Variants in RFXAP observed in about 807,000 individuals in gnomAD.
RFXAP encodes regulatory factor X associated protein.
In RFXAP, 21 loss-of-function variants were observed where a neutral mutation model predicts 25.7. That is an observed-to-expected ratio of 0.82 (90% CI 0.58 to 1.18). The LOEUF (loss-of-function observed/expected upper bound fraction) is 1.18, where lower values mean the gene tolerates loss of function less well. Ranked by LOEUF, RFXAP falls within the 50% of genes most tolerant of loss-of-function variation. RFXAP has a pLI of 0.00. For synonymous variants in RFXAP, 161 were observed against 152.2 expected (o/e 1.06, Z -0.43); for missense variants, 333 against 363.0 (o/e 0.92, Z 0.67).
rs1339913703 is a variant in RFXAP at position 36,828,088 on chromosome 13, C to T, written c.*335C>T. 3.8e-6 allele frequency: 1 copy of T among 264,688 alleles called. No homozygotes were observed. The highest frequency in any genetic ancestry group is 2.3e-5 in the African/African-American group (1 of 43,714). 16.4% of individuals were successfully genotyped at this position (264,688 alleles called of 1,614,324 possible). A position where few individuals can be genotyped will look rare whatever the true frequency, so the allele number is the denominator to read the frequency against. On this transcript the variant is annotated 3_prime_UTR_variant, in exon 3 of 3. Transcript: ENST00000255476. Reference sequence around the variant, plus strand: ...TAAAGTTAATAGATATTAATCTTGACTCATCTAGCTCAGTGGTTCTCATCA... The same window carrying T: ...TAAAGTTAATAGATATTAATCTTGATTCATCTAGCTCAGTGGTTCTCATCA...
chr13:36,824,226 G>T (rs2057971434), intron 1 of RFXAP, among the ~76,000 whole-genome samples: 1 of 152,142 alleles, frequency 6.6e-6, no homozygotes, highest in Non-Finnish European at 1.5e-5. Context: ...GTCAATTTCA[G>T]CATTCCATTA....
intron 1 of RFXAP, among the ~76,000 whole-genome samples, chr13:36,824,843 C>G (rs2057973002): frequency 6.6e-6 from 1 of 152,076 alleles, no homozygotes; most frequent in Non-Finnish European, 1.5e-5. Flanking sequence ...AGTGCTTTTT[C>G]AAGCAAGTTT....
At chr13:36,820,254 G>A (rs1249912297) in intron 1 of RFXAP, among the ~76,000 whole-genome samples, 2 of 152,144 alleles carry the variant, frequency 1.3e-5, no homozygotes, top group African/African-American at 4.8e-5. Flanking sequence ...GTAAATGATC[G>A]GTCTGGTTCA....
chr13:36,825,365 A>G, intron 1 of RFXAP, 63 bp from the exon 2 acceptor site: 2 of 1,185,464 alleles, frequency 1.7e-6, no homozygotes, highest in South Asian at 2.5e-5. Flanking sequence ...TCTTTGAAAT[A>G]CCTGTAATCA....
chr13:36,825,379 C>G (rs763532945), intron 1 of RFXAP, 49 bp from the exon 2 acceptor site: 1 of 1,297,140 alleles, frequency 7.7e-7, no homozygotes, highest in East Asian at 2.3e-5. Context: ...GTAATCATGA[C>G]TTATTACGTT....
rs1210440723 is a variant in RFXAP at position 36,819,735 on chromosome 13, C to T, written c.378C>T (p.Gly126=). The part of the protein sequence containing the change: ...THSGGEGSSG[G]ARRRGSGGGS... ...CGGGGGGCGAGGGCAGCAGCGGGGG[C>T]GCCCGGAGGCGGGGCAGCGGTGGGG... is the stretch of plus-strand genomic sequence containing the variant. Residue 126 remains glycine, a synonymous_variant, in exon 1 of 3, where the codon GGC becomes GGT. Transcript: ENST00000255476. 1.9e-6 allele frequency: 3 copies of T among 1,551,486 alleles called. No homozygotes were observed.
At chr13:36,822,292 T>C (rs573772931) in intron 1 of RFXAP, among the ~76,000 whole-genome samples, 4 of 151,998 alleles carry the variant, frequency 2.6e-5, no homozygotes, top group Non-Finnish European at 4.4e-5. Context: ...GGTTTTGCCA[T>C]GTTGGCCAGT....
At chr13:36,821,342 A>G (rs1293856989) in intron 1 of RFXAP, among the ~76,000 whole-genome samples, 2 of 151,926 alleles carry the variant, frequency 1.3e-5, no homozygotes, top group African/African-American at 4.8e-5. Flanking sequence ...TCACTAAAAT[A>G]TTAGACCTTG....
At position 36,819,586 on chromosome 13, in the gene RFXAP, G is replaced by T; in HGVS notation, c.229G>T (p.Gly77Trp). ...CAAGCCCGTTAGGTACCTGTGCGAA[G>T]GGGCCGGGGATGGCGAAGAGGAGGC... ...AGKPVRYLCE[G>W]AGDGEEEAGE... Residue 77 changes from glycine (G) to tryptophan (W), a missense_variant, in exon 1 of 3, where the codon GGG (glycine) becomes TGG (tryptophan). Coordinates refer to ENST00000255476, the MANE Select transcript of RFXAP (RefSeq NM_000538.4). 1 of 1,533,968 alleles carries T rather than the reference G, an allele frequency of 6.5e-7. No individual in the cohort carries two copies. Among genetic ancestry groups the T allele is most frequent in the South Asian group, 1.2e-5 (1 of 81,680 alleles).
At position 36,827,255 on chromosome 13, in the gene RFXAP, G is replaced by A. The variant is rs17054510; in HGVS notation, c.709-388G>A. Among the ~76,000 whole-genome samples, 1,094 of 152,100 alleles carry A rather than the reference G, an allele frequency of 7.2e-3. 10 individuals carry two copies. Among genetic ancestry groups the A allele is most frequent in the African/African-American group, 0.025 (1,021 of 41,504 alleles). ...GTATGTATGTACAAACTGGCATTTA[G>A]CTGCTATTTTCACATGTGGCCCCCT... On this transcript the variant is annotated intron_variant, in intron 2 of 2. Coordinates refer to ENST00000255476, the MANE Select transcript of RFXAP (RefSeq NM_000538.4).
In RFXAP at chr13:36,820,316, C is replaced by T. The variant is rs1593530374; in HGVS notation, c.600+359C>T. On this transcript the variant is annotated intron_variant, in intron 1 of 2. Coordinates refer to ENST00000255476, the MANE Select transcript of RFXAP (RefSeq NM_000538.4). ...ATGAAGTTGGTACTTCTGAGAAAGT[C>T]ATCTCTTTCTGTTTTCACTACTCTA... Among the ~76,000 whole-genome samples, 3 of 152,250 alleles carry T rather than the reference C, an allele frequency of 2.0e-5. No individual in the cohort carries two copies. The South Asian group carries it at 6.2e-4, about 32-fold the overall frequency.
At chr13:36,823,336 C>T (rs1296111636) in intron 1 of RFXAP, among the ~76,000 whole-genome samples, 1 of 152,146 alleles carries the variant, frequency 6.6e-6, no homozygotes, top group African/African-American at 2.4e-5. Flanking sequence ...GTGAAGATAG[C>T]AAGTGGACTA....
Position 36,819,606 on chromosome 13 carries a change from G to T in RFXAP, c.249G>T (p.Glu83Asp). ...YLCEGAGDGE[E>D]EAGEDEADLL... is the part of the protein sequence containing the mutation. ...GCGAAGGGGCCGGGGATGGCGAAGAGGAGGCTGGGGAGGACGAGGCGGACC... is the reference window on the plus strand; with the variant it reads ...GCGAAGGGGCCGGGGATGGCGAAGATGAGGCTGGGGAGGACGAGGCGGACC... The change falls in exon 1 of 3, where the codon GAG (glutamate) becomes GAT (aspartate). Residue 83 changes from glutamate to aspartate, a missense_variant. Transcript: ENST00000255476. 1 of 1,538,260 alleles carries T rather than the reference G, an allele frequency of 6.5e-7. No homozygotes were observed. Among genetic ancestry groups the T allele is most frequent in the African/African-American group, 1.4e-5 (1 of 72,956 alleles).
Position 36,819,574 on chromosome 13 carries a change from T to A in RFXAP, c.217T>A (p.Tyr73Asn). 6.5e-7 allele frequency: 1 copy of A among 1,529,978 alleles called. No individual in the cohort carries two copies. The highest frequency in any genetic ancestry group is 8.8e-7 in the Non-Finnish European group (1 of 1,135,676). 94.8% of individuals were successfully genotyped at this position (1,529,978 alleles called of 1,614,324 possible). Residue 73 changes from tyrosine to asparagine, a missense_variant, in exon 1 of 3, where the codon TAC becomes AAC. Tyr to Asn is a moderately radical substitution (Grantham distance 143, BLOSUM62 -2). Coordinates refer to ENST00000255476, the MANE Select transcript of RFXAP (RefSeq NM_000538.4). Reference sequence around the variant, plus strand: ...CGTTGGGGCGGGCAAGCCCGTTAGGTACCTGTGCGAAGGGGCCGGGGATGG... The same window carrying A: ...CGTTGGGGCGGGCAAGCCCGTTAGGAACCTGTGCGAAGGGGCCGGGGATGG... The part of the protein sequence containing the change: ...GSVGAGKPVR[Y>N]LCEGAGDGEE...
chr13:36,819,484 C>T lies in RFXAP; in HGVS notation c.127C>T (p.Gln43Ter), dbSNP rs1313207845. 48 of 1,542,944 alleles carry T rather than the reference C, an allele frequency of 3.1e-5. No homozygotes were observed. The highest frequency in any genetic ancestry group is 4.1e-5 in the Non-Finnish European group (47 of 1,143,940). ...APASVAAAAS[Q>*]FTLLVMQPCA... The stretch of plus-strand genomic sequence containing the variant: ...AGCCTCGGTGGCGGCCGCGGCCTCT[C>T]AATTCACCCTGCTAGTGATGCAACC... The change falls in exon 1 of 3, where the codon CAA becomes TAA. Residue 43 changes from glutamine to a stop codon, truncating the protein, a stop_gained. Transcript: ENST00000255476. LOFTEE classifies it high-confidence loss of function.
At chr13:36,821,214 TAAA>T (rs10573140) in intron 1 of RFXAP, among the ~76,000 whole-genome samples, 72,700 of 104,102 alleles carry the variant, frequency 0.7, 27,489 homozygotes, top group Non-Finnish European at 0.85. Context: ...CCTGTCTCCT[TAAA>T]AAAAAAAAAA....
At chr13:36,822,251 C>T (rs1174846898) in intron 1 of RFXAP, among the ~76,000 whole-genome samples, 3 of 151,648 alleles carry the variant, frequency 2.0e-5, no homozygotes, top group African/African-American at 4.8e-5. Flanking sequence ...CCACCACGCC[C>T]GGCTAATTTT....
At position 36,828,303 on chromosome 13, in the gene RFXAP, T is replaced by C. The variant is rs9547679; in HGVS notation, c.*550T>C. 130,129 of 153,146 alleles carry C rather than the reference T, an allele frequency of 0.85. 56,033 individuals are homozygous for C. The highest frequency in any genetic ancestry group is 0.93 in the Non-Finnish European group (63,725 of 68,748). 9.5% of individuals were successfully genotyped at this position (153,146 alleles called of 1,614,324 possible). A position where few individuals can be genotyped will look rare whatever the true frequency, so the allele number is the denominator to read the frequency against. On this transcript the variant is annotated 3_prime_UTR_variant, in exon 3 of 3. Transcript: ENST00000255476. Reference sequence around the variant, plus strand: ...TGCTAACATGTAGTTGGGGCACCTATAATTGGGTTCTCTTAATAACCTTTC... The same window carrying C: ...TGCTAACATGTAGTTGGGGCACCTACAATTGGGTTCTCTTAATAACCTTTC...
In RFXAP at chr13:36,819,834, G is replaced by A. The variant is rs201205150; in HGVS notation, c.477G>A (p.Pro159=). 1.1e-4 allele frequency: 171 copies of A among 1,605,644 alleles called. No homozygotes were observed. The highest frequency in any genetic ancestry group is 7.5e-4 in the Admixed American group (44 of 58,780). The change falls in exon 1 of 3, where the codon CCG becomes CCA. Residue 159 remains proline (P), a synonymous_variant. Transcript: ENST00000255476. ...TTSQVAKQRK[P]WMCKKHRNKM... Reference sequence around the variant, plus strand: ...GCCAGGTGGCCAAGCAGCGCAAACCGTGGATGTGCAAGAAACACCGCAACA... The same window carrying A: ...GCCAGGTGGCCAAGCAGCGCAAACCATGGATGTGCAAGAAACACCGCAACA...
Sources: gnomAD v4.1 joint callset for allele counts (sites outside exome capture counted in the v4.1 genomes callset) on GRCh38, gnomAD v4.1.1 for gene constraint, MANE v1.5 for transcripts, NCBI Gene and HGNC (gene_info 2026-07-23, HGNC 2026-07-21) for gene names.